The following PRKCA variants were observed in gnomAD, a reference collection of about 807,000 sequenced individuals.
The protein encoded by PRKCA is protein kinase C alpha type.
In PRKCA, 27 loss-of-function variants were observed where a neutral mutation model predicts 87.0. The ratio of observed to expected loss-of-function variants is 0.31; its 90% confidence interval spans 0.23 to 0.43. The LOEUF (loss-of-function observed/expected upper bound fraction) is 0.43, where lower values mean the gene tolerates loss of function less well. PRKCA is among the 20% of genes least tolerant of loss of function. The pLI is 1.00. For missense variants in PRKCA, 518 were observed against 852.3 expected, an observed-to-expected ratio of 0.61 and a Z score of 4.88; for synonymous variants, 329 against 311.1, an observed-to-expected ratio of 1.06 and a Z score of -0.61.
chr17:66,693,287 C>T (rs1972829616), intron 8 of PRKCA, among the ~76,000 whole-genome samples: 1 of 151,938 alleles, frequency 6.6e-6, no homozygotes, highest in Non-Finnish European at 1.5e-5. Context: ...TTGCGATACT[C>T]ATGGACAGTG....
chr17:66,773,168 G>A (rs1260814994), intron 13 of PRKCA, among the ~76,000 whole-genome samples: 1 of 152,000 alleles, frequency 6.6e-6, no homozygotes, highest in Non-Finnish European at 1.5e-5. Context: ...ATACCATTAT[G>A]CCACCTAACA....
rs962523298 is a variant in PRKCA at position 66,324,399 on chromosome 17, C to T, written c.205+18272C>T. Reference sequence around the variant, plus strand: ...GGCAGATCATCTGAGGTCAGGAGTTCGAGGCCAACCTGGCCAACATGGTGA... The same window carrying T: ...GGCAGATCATCTGAGGTCAGGAGTTTGAGGCCAACCTGGCCAACATGGTGA... On this transcript the variant is annotated intron_variant, in intron 2 of 16. Coordinates refer to ENST00000413366, the MANE Select transcript of PRKCA (RefSeq NM_002737.3). 1.2e-4 allele frequency among the ~76,000 whole-genome samples: 18 copies of T among 144,502 alleles called. No individual in the cohort carries two copies. The East Asian group carries it at 2.0e-3, about 16-fold the overall frequency. The allele number at this position is 144,502 out of a possible 152,430, so 94.8% of individuals were successfully genotyped here.
chr17:66,739,477 C>T (rs554529381), intron 11 of PRKCA, among the ~76,000 whole-genome samples: 12 of 152,198 alleles, frequency 7.9e-5, no homozygotes, highest in Non-Finnish European at 1.5e-4. Flanking sequence ...GCGAAAGGAA[C>T]GAGGTGCTCC....
At chr17:66,503,372 C>T (rs996173250) in intron 3 of PRKCA, among the ~76,000 whole-genome samples, 3 of 152,186 alleles carry the variant, frequency 2.0e-5, no homozygotes, top group South Asian at 2.1e-4. Flanking sequence ...ACATGTATAC[C>T]GGTGACGTCA....
chr17:66,424,379 G>T (rs1912664369), intron 2 of PRKCA, among the ~76,000 whole-genome samples: 1 of 152,014 alleles, frequency 6.6e-6, no homozygotes, highest in Non-Finnish European at 1.5e-5. Flanking sequence ...TTCAAGACCA[G>T]CCTGGGCAAC....
At chr17:66,653,920 A>G (rs8068966) in intron 5 of PRKCA, among the ~76,000 whole-genome samples, 87,480 of 151,964 alleles carry the variant, frequency 0.58, 25,259 homozygotes, top group Admixed American at 0.6. Context: ...GCTCTTCATG[A>G]CAAAGCACAC....
At chr17:66,796,159 A>T (rs1414512325) in intron 16 of PRKCA, among the ~76,000 whole-genome samples, 2 of 152,238 alleles carry the variant, frequency 1.3e-5, no homozygotes, top group Non-Finnish European at 2.9e-5. Flanking sequence ...TAAGTGGTAG[A>T]GAAGGGCATA....
intron 2 of PRKCA, among the ~76,000 whole-genome samples, chr17:66,458,568 C>G (rs1269251263): frequency 1.3e-5 from 2 of 152,016 alleles, no homozygotes; most frequent in African/African-American, 2.4e-5. Context: ...ACAACCTCCA[C>G]TTCCTGGGCT....
intron 8 of PRKCA, among the ~76,000 whole-genome samples, chr17:66,694,353 G>A (rs1235044112): frequency 2.0e-5 from 3 of 151,578 alleles, no homozygotes; most frequent in East Asian, 1.9e-4. Flanking sequence ...ATAGTGGCGG[G>A]CGCCTGTAAT....
At chr17:66,704,438 A>C (rs1973142613) in intron 8 of PRKCA, among the ~76,000 whole-genome samples, 1 of 152,198 alleles carries the variant, frequency 6.6e-6, no homozygotes, top group Non-Finnish European at 1.5e-5. Flanking sequence ...AAATTTGTTA[A>C]CACATGGAGC....
chr17:66,686,452 A>G (rs2144027827), intron 5 of PRKCA, among the ~76,000 whole-genome samples: 1 of 152,306 alleles, frequency 6.6e-6, no homozygotes, highest in Admixed American at 6.5e-5. Context: ...CTGAGTTACA[A>G]CTGTATACAG....
intron 13 of PRKCA, among the ~76,000 whole-genome samples, chr17:66,758,948 A>T (rs527336752): frequency 6.6e-6 from 1 of 152,178 alleles, no homozygotes; most frequent in Non-Finnish European, 1.5e-5. Context: ...TGCATATCCT[A>T]TGTATAAGTG....
chr17:66,335,796 A>C (rs1020020810), intron 2 of PRKCA, among the ~76,000 whole-genome samples: 2 of 152,170 alleles, frequency 1.3e-5, no homozygotes, highest in East Asian at 3.9e-4. Flanking sequence ...TACTATGATG[A>C]ATAACCTCGT....
intron 5 of PRKCA, among the ~76,000 whole-genome samples, chr17:66,650,018 T>C (rs980176781): frequency 1.3e-5 from 2 of 152,138 alleles, no homozygotes; most frequent in Non-Finnish European, 2.9e-5. Flanking sequence ...AACACAAATA[T>C]AAACCATAAG....
chr17:66,588,937 G>C (rs1969709390), intron 3 of PRKCA, among the ~76,000 whole-genome samples: 1 of 152,060 alleles, frequency 6.6e-6, no homozygotes, highest in South Asian at 2.1e-4. Flanking sequence ...CACTGCACTG[G>C]TCTTGCTTTG....
chr17:66,435,548 G>T (rs1345285607), intron 2 of PRKCA, among the ~76,000 whole-genome samples: 5 of 152,172 alleles, frequency 3.3e-5, no homozygotes, highest in Non-Finnish European at 2.9e-5. Flanking sequence ...CAGGTAGCCT[G>T]TTTACTTAGC....
chr17:66,395,977 T>C (rs529118750), intron 2 of PRKCA, among the ~76,000 whole-genome samples: 1 of 152,250 alleles, frequency 6.6e-6, no homozygotes, highest in South Asian at 2.1e-4. Flanking sequence ...ATGTTTAACC[T>C]GGAAAGTCTC....
At chr17:66,426,346 A>T (rs180715360) in intron 2 of PRKCA, among the ~76,000 whole-genome samples, 7 of 152,304 alleles carry the variant, frequency 4.6e-5, no homozygotes, top group African/African-American at 1.7e-4. Flanking sequence ...GAGGAGAAAC[A>T]CTAGTGAGTG....
At chr17:66,713,533 GTC>G (rs1973393628) in intron 8 of PRKCA, among the ~76,000 whole-genome samples, 6 of 152,156 alleles carry the variant, frequency 3.9e-5, no homozygotes, top group Admixed American at 3.9e-4. Context: ...AGTCAACAAA[GTC>G]TCTTTTCTGA....
Sources: allele counts gnomAD v4.1 joint callset (sites outside exome capture counted in the v4.1 genomes callset), GRCh38; gene constraint gnomAD v4.1.1; transcripts MANE v1.5; gene names NCBI Gene and HGNC (gene_info 2026-07-23, HGNC 2026-07-21).